TRAK1: variants seen among roughly 807,000 people sequenced by gnomAD.
TRAK1 encodes the protein trafficking kinesin-binding protein 1.
TRAK1 carries 33 observed loss-of-function variants against 92.1 expected under a neutral mutation model. The ratio of observed to expected loss-of-function variants is 0.36; its 90% CI spans 0.27 to 0.48. The LOEUF is 0.48. Among genes scored for constraint, TRAK1 ranks in the 20% least tolerant of loss-of-function variants. The probability of loss-of-function intolerance (pLI) is 0.99; values close to 1 mark genes in which losing one functional copy is unlikely to be tolerated. For synonymous variants in TRAK1, 521 were observed against 517.3 expected (o/e 1.01, Z -0.10); for missense variants, 1,123 against 1,257.9 (o/e 0.89, Z 1.62).
At chr3:42,092,711 G>GTTATGTTATGATA (rs1705247688) in intron 1 of TRAK1, among the ~76,000 whole-genome samples, 8 of 101,068 alleles carry the variant, frequency 7.9e-5, no homozygotes, top group African/African-American at 2.6e-4. Context: ...GTGTTGTGTT[G>GTTATGTTATGATA]TGTTATGTTA....
Position 42,200,913 on chromosome 3 carries a change from A to G in TRAK1, c.1286A>G (p.Asn429Ser), listed in dbSNP as rs1707432301. ...TPSPMNIPGS[N>S]QSSAMNSLLS... Reference sequence around the variant, plus strand: ...TCTCCCATGAACATCCCCGGCTCCAACCAGTCCTCGGCCATGAACTCCCTC... The same window carrying G: ...TCTCCCATGAACATCCCCGGCTCCAGCCAGTCCTCGGCCATGAACTCCCTC... Residue 429 changes from asparagine (N) to serine (S), a missense_variant, in exon 12 of 16, where the codon AAC becomes AGC. This residue lies in a region of TRAK1 where 686 missense variants were observed against 747.6 expected (regional missense o/e 0.92). Transcript: ENST00000327628. 6.2e-6 allele frequency: 10 copies of G among 1,614,074 alleles called. No homozygotes were observed. Among genetic ancestry groups the G allele is most frequent in the Non-Finnish European group, 7.6e-6 (9 of 1,179,988 alleles).
chr3:42,081,456 T>C (rs1335537408), intron 1 of TRAK1, among the ~76,000 whole-genome samples: 1 of 152,242 alleles, frequency 6.6e-6, no homozygotes, highest in East Asian at 1.9e-4. Flanking sequence ...TTTGTTGTTA[T>C]TTATTCTACA....
chr3:42,179,999 C>T (rs1703770470), intron 3 of TRAK1, among the ~76,000 whole-genome samples: 1 of 152,088 alleles, frequency 6.6e-6, no homozygotes, highest in South Asian at 2.1e-4. Flanking sequence ...CTTGGGCTCC[C>T]AAAGTGTTGG....
intron 3 of TRAK1, among the ~76,000 whole-genome samples, chr3:42,184,298 C>T (rs1704473738): frequency 6.6e-6 from 1 of 152,252 alleles, no homozygotes; most frequent in Non-Finnish European, 1.5e-5. Context: ...CAAATAGCTA[C>T]TGTTTCCCTG....
intron 1 of TRAK1, among the ~76,000 whole-genome samples, chr3:42,105,936 G>C (rs910431423): frequency 6.6e-6 from 1 of 152,110 alleles, no homozygotes; most frequent in African/African-American, 2.4e-5. Flanking sequence ...ATAAGTGAAG[G>C]AGAAATAAAA....
At chr3:42,154,931 G>T (rs1207462880) in intron 2 of TRAK1, among the ~76,000 whole-genome samples, 6 of 152,062 alleles carry the variant, frequency 3.9e-5, no homozygotes, top group Admixed American at 3.9e-4. Flanking sequence ...AAGATAGGAG[G>T]ATATGGGCTA....
chr3:42,165,731 G>T (rs1002009782), intron 2 of TRAK1, among the ~76,000 whole-genome samples: 3 of 152,108 alleles, frequency 2.0e-5, no homozygotes, highest in Non-Finnish European at 4.4e-5. Flanking sequence ...CTGACCTGGC[G>T]CATCAGTACC....
intron 2 of TRAK1, among the ~76,000 whole-genome samples, chr3:42,164,148 A>C (rs140862273): frequency 3.3e-5 from 5 of 152,304 alleles, no homozygotes; most frequent in Non-Finnish European, 5.9e-5. Context: ...TCCTGAGTTC[A>C]CAGGAAGCCA....
At chr3:42,081,066 AG>A (rs1284740461) in intron 1 of TRAK1, among the ~76,000 whole-genome samples, 1 of 152,024 alleles carries the variant, frequency 6.6e-6, no homozygotes, top group Non-Finnish European at 1.5e-5. Flanking sequence ...TTGTAGAGTT[AG>A]GGTTCCACCA....
In TRAK1 at chr3:42,202,375, G is replaced by A. The variant is rs966893655; in HGVS notation, c.1428-61G>A. The A allele has an allele frequency of 4.1e-5, 59 of 1,431,584 alleles. No individual in the cohort carries two copies. The African/African-American group carries it at 5.9e-4, about 14-fold the overall frequency. The allele number at this position is 1,431,584 out of a possible 1,614,324, so 88.7% of individuals were successfully genotyped here. A position where few individuals can be genotyped will look rare whatever the true frequency, so the allele number is the denominator to read the frequency against. On this transcript the variant is annotated intron_variant, in intron 12 of 15. Coordinates refer to ENST00000327628, the MANE Select transcript of TRAK1 (RefSeq NM_001042646.3). The surrounding 1 kb of genome is among the most constrained non-coding windows in gnomAD (Gnocchi z 6.1). ...GTCCACCGCTGTGCATTGAGCAGTC[G>A]GGCCTCTGTGGCCTTGGAGCCCTGC...
At chr3:42,161,703 CAGCTGCAA>C (rs1364438824) in intron 2 of TRAK1, among the ~76,000 whole-genome samples, 1 of 152,180 alleles carries the variant, frequency 6.6e-6, no homozygotes, top group Non-Finnish European at 1.5e-5. Context: ...CCCTCCAGGA[CAGCTGCAA>C]ATATTTTATT....
chr3:42,128,275 T>C (rs920886022), intron 2 of TRAK1, among the ~76,000 whole-genome samples: 2 of 152,124 alleles, frequency 1.3e-5, no homozygotes, highest in Non-Finnish European at 2.9e-5. Context: ...AGTTATACAG[T>C]TAAGAAAAAA....
intron 14 of TRAK1, chr3:42,212,287 C>A: frequency 1.0e-6 from 1 of 985,398 alleles, no homozygotes. Flanking sequence ...TTGGGCTTTT[C>A]TGTTACCAAA....
At chr3:42,157,927 T>C (rs985258314) in intron 2 of TRAK1, among the ~76,000 whole-genome samples, 1 of 152,262 alleles carries the variant, frequency 6.6e-6, no homozygotes, top group African/African-American at 2.4e-5. Flanking sequence ...AGGAGTTTTC[T>C]GTCCTATTCT....
chr3:42,051,158 C>A (rs981190097), intron 1 of TRAK1: 1 of 152,226 alleles, frequency 6.6e-6, no homozygotes, highest in Non-Finnish European at 1.5e-5. Flanking sequence ...CTTGAGCTGC[C>A]GCGCCTGGCA....
chr3:42,222,003 TAAAAA>T (rs3069647), intron 15 of TRAK1: 2 of 146,584 alleles, frequency 1.4e-5, no homozygotes, highest in South Asian at 2.2e-4. Context: ...ATTGCAATTA[TAAAAA>T]AAAAAAAGAA....
At chr3:42,076,177 A>G (rs1387976859) in intron 1 of TRAK1, among the ~76,000 whole-genome samples, 1 of 141,878 alleles carries the variant, frequency 7.0e-6, no homozygotes, top group Non-Finnish European at 1.5e-5. Flanking sequence ...TGTTTCTTGT[A>G]AATTTGTTTA....
intron 1 of TRAK1, among the ~76,000 whole-genome samples, chr3:42,024,330 G>A (rs933130467): frequency 6.6e-6 from 1 of 152,170 alleles, no homozygotes; most frequent in Non-Finnish European, 1.5e-5. Context: ...TTTTGGGTTT[G>A]TTTATACATA....
At chr3:42,187,667 A>G (rs986018336) in intron 4 of TRAK1, among the ~76,000 whole-genome samples, 1 of 151,990 alleles carries the variant, frequency 6.6e-6, no homozygotes, top group Non-Finnish European at 1.5e-5. Flanking sequence ...GGGTTTCACC[A>G]TGTTGGTCAG....
Sources: allele counts gnomAD v4.1 joint callset (sites outside exome capture counted in the v4.1 genomes callset), GRCh38; gene constraint gnomAD v4.1.1; regional missense constraint gnomAD v4.1.1; non-coding constraint Gnocchi (gnomAD v3.1); transcripts MANE v1.5; gene names NCBI Gene and HGNC (gene_info 2026-07-23, HGNC 2026-07-21).